The following TPTE2 variants were observed in gnomAD, a reference collection of about 807,000 sequenced individuals.
TPTE2 encodes phosphatidylinositol 3,4,5-trisphosphate 3-phosphatase TPTE2.
TPTE2 carries 53 observed loss-of-function variants against 78.6 expected under a neutral mutation model. That is an observed-to-expected ratio of 0.67 (90% CI 0.54 to 0.85). The LOEUF (loss-of-function observed/expected upper bound fraction) is 0.85. TPTE2 is among the 40% of genes least tolerant of loss of function. The pLI, the probability that TPTE2 is intolerant of heterozygous loss-of-function variation, is 0.00. For missense variants in TPTE2, 461 were observed against 623.0 expected, an observed-to-expected ratio of 0.74 and a Z score of 2.77; for synonymous variants, 175 against 206.2, an observed-to-expected ratio of 0.85 and a Z score of 1.30.
intron 6 of TPTE2, among the ~76,000 whole-genome samples, chr13:19,472,215 G>T (rs1476189806): frequency 6.6e-6 from 1 of 152,004 alleles, no homozygotes; most frequent in African/African-American, 2.4e-5. Context: ...ATATCTTTCT[G>T]TAGGTTTGGG....
At chr13:19,514,492 G>A (rs1336620751) in intron 1 of TPTE2, among the ~76,000 whole-genome samples, 2 of 152,162 alleles carry the variant, frequency 1.3e-5, no homozygotes, top group African/African-American at 4.8e-5. Context: ...CAATCAGGAT[G>A]TTAATCTCAA....
upstream of TPTE2, among the ~76,000 whole-genome samples, chr13:19,540,595 G>A (rs796688685): frequency 3.9e-5 from 6 of 152,092 alleles, no homozygotes; most frequent in African/African-American, 1.4e-4. Context: ...ATGAGCCACT[G>A]CACCCAGCCC....
chr13:19,443,397 C>CTTTTTTTTTTTTTTTTTTTTTTTT (rs71092357), intron 13 of TPTE2, among the ~76,000 whole-genome samples: 1 of 129,916 alleles, frequency 7.7e-6, no homozygotes, highest in Non-Finnish European at 1.6e-5. Flanking sequence ...TTCTTTCTTT[C>CTTTTTTTTTTTTTTTTTTTTTTTT]TTTTTTTTTT....
chr13:19,476,799 A>G (rs908812159), intron 4 of TPTE2, among the ~76,000 whole-genome samples: 2 of 152,224 alleles, frequency 1.3e-5, no homozygotes, highest in Non-Finnish European at 2.9e-5. Flanking sequence ...TGTAAAAAGC[A>G]GTATAGCAAT....
chr13:19,444,743 T>C (rs1332457942), intron 13 of TPTE2, among the ~76,000 whole-genome samples: 1 of 152,094 alleles, frequency 6.6e-6, no homozygotes, highest in Non-Finnish European at 1.5e-5. Context: ...ACCCAAACAA[T>C]TGTGAGAAAG....
At chr13:19,546,881 C>A in the TPTE2 span, among the ~76,000 whole-genome samples, 1 of 150,690 alleles carries the variant, frequency 6.6e-6, no homozygotes, top group Admixed American at 6.6e-5. Flanking sequence ...GTCCCCAGAG[C>A]ATAGAACAAT....
chr13:19,476,263 T>A (rs1476059913), intron 4 of TPTE2, among the ~76,000 whole-genome samples: 1 of 151,872 alleles, frequency 6.6e-6, no homozygotes, highest in Non-Finnish European at 1.5e-5. Context: ...CCTCCAATAA[T>A]GCCTCATTTT....
chr13:19,423,833 GA>G (rs1417449218), intron 19 of TPTE2, among the ~76,000 whole-genome samples: 1 of 151,958 alleles, frequency 6.6e-6, no homozygotes, highest in Admixed American at 6.6e-5. Flanking sequence ...TGTTTTAAAG[GA>G]AAAAAACGGT....
Position 19,465,320 on chromosome 13 carries a change from TGA to T in TPTE2, c.613-4_613-3del, listed in dbSNP as rs1879195774. ...GTATCGCCTTTTGTTTTCTGAAACC[TGA>T]GAGTTTAAAATCATCATTAGTTTGT... On this transcript the variant is annotated splice_region_variant and splice_polypyrimidine_tract_variant and intron_variant, in intron 8 of 19. Coordinates refer to ENST00000400230, the Ensembl canonical transcript of TPTE2. 6.2e-7 allele frequency: 1 copy of T among 1,613,730 alleles called. No homozygotes were observed. The highest frequency in any genetic ancestry group is 1.3e-5 in the African/African-American group (1 of 74,918).
intron 13 of TPTE2, among the ~76,000 whole-genome samples, chr13:19,445,952 C>CA (rs1170164191): frequency 6.6e-6 from 1 of 151,756 alleles, no homozygotes; most frequent in Non-Finnish European, 1.5e-5. Context: ...AAACAAAAAA[C>CA]AAAAAACATA....
At chr13:19,433,631 G>A (rs1181270889) in intron 15 of TPTE2, among the ~76,000 whole-genome samples, 1 of 152,204 alleles carries the variant, frequency 6.6e-6, no homozygotes, top group Non-Finnish European at 1.5e-5. Context: ...TCATGAGACA[G>A]GTTCATGAAA....
At chr13:19,499,687 A>G (rs1472043025) in intron 1 of TPTE2, among the ~76,000 whole-genome samples, 2 of 134,864 alleles carry the variant, frequency 1.5e-5, no homozygotes, top group Admixed American at 7.6e-5. Flanking sequence ...AATGCCCACA[A>G]GAGAAAGCAG....
chr13:19,474,040 G>C, exon 6 of TPTE2: 1 of 1,606,488 alleles, frequency 6.2e-7, no homozygotes, highest in Non-Finnish European at 8.5e-7. Context: ...AAGGAGGAGA[G>C]TGACATCCAG....
intron 9 of TPTE2, among the ~76,000 whole-genome samples, chr13:19,464,770 C>T (rs1248566692): frequency 6.6e-6 from 1 of 152,206 alleles, no homozygotes. Flanking sequence ...CTTATGATGG[C>T]CTCAGTCTGA....
intron 13 of TPTE2, among the ~76,000 whole-genome samples, chr13:19,443,779 C>CAG (rs1555248661): frequency 0.099 from 14,446 of 146,166 alleles, 1,023 homozygotes; most frequent in Middle Eastern, 0.15. Flanking sequence ...CACACACACA[C>CAG]AGTCGTTAAG....
chr13:19,546,849 T>A, the TPTE2 span, among the ~76,000 whole-genome samples: 2 of 151,738 alleles, frequency 1.3e-5, no homozygotes, highest in Non-Finnish European at 2.9e-5. Context: ...ATGGAGAGGT[T>A]GTAAGATAAT....
At chr13:19,473,201 A>C (rs1879731478) in intron 6 of TPTE2, among the ~76,000 whole-genome samples, 1 of 151,694 alleles carries the variant, frequency 6.6e-6, no homozygotes, top group South Asian at 2.1e-4. Context: ...TGCTGTAACC[A>C]CTCCTTAGCT....
At chr13:19,453,618 A>T (rs1390616739) in intron 10 of TPTE2, among the ~76,000 whole-genome samples, 2 of 150,044 alleles carry the variant, frequency 1.3e-5, no homozygotes, top group African/African-American at 2.5e-5. Context: ...TAAGTAGTTT[A>T]CCGAAGACTG....
chr13:19,480,948 TCTGA>T (rs1294475118), intron 4 of TPTE2, among the ~76,000 whole-genome samples: 3 of 152,152 alleles, frequency 2.0e-5, no homozygotes, highest in Non-Finnish European at 4.4e-5. Flanking sequence ...TTCAGCAATA[TCTGA>T]CTATTAAATG....
Sources: allele counts gnomAD v4.1 joint callset (sites outside exome capture counted in the v4.1 genomes callset), GRCh38; gene constraint gnomAD v4.1.1; transcripts MANE v1.5; gene names NCBI Gene and HGNC (gene_info 2026-07-23, HGNC 2026-07-21).